KAZN: variants seen among roughly 807,000 people sequenced by gnomAD.
The protein encoded by KAZN is kazrin.
A neutral mutation model predicts 87.4 loss-of-function variants in KAZN; 40 were observed. The observed-to-expected ratio is 0.46, with a 90% CI of 0.36 to 0.60. The LOEUF (loss-of-function observed/expected upper bound fraction) is 0.60. Ranked by LOEUF, KAZN falls within the 20% of genes least tolerant of loss-of-function variation. The pLI, the probability that KAZN is intolerant of heterozygous loss-of-function variation, is 0.00. For synonymous variants in KAZN, 466 were observed against 458.3 expected, an observed-to-expected ratio of 1.02 and a Z score of -0.22; for missense variants, 898 against 1,073.9, an observed-to-expected ratio of 0.84 and a Z score of 2.29.
At chr1:14,153,686 G>T (rs1645526256) in intron 1 of KAZN, among the ~76,000 whole-genome samples, 1 of 151,578 alleles carries the variant, frequency 6.6e-6, no homozygotes, top group Non-Finnish European at 1.5e-5. Context: ...GCTGAGACGG[G>T]AGAATTGCTT....
At chr1:14,158,253 G>A (rs116409092) in intron 1 of KAZN, among the ~76,000 whole-genome samples, 1 of 151,854 alleles carries the variant, frequency 6.6e-6, no homozygotes, top group African/African-American at 2.4e-5. Context: ...CTCTTTTGGG[G>A]CTATTTTCTA....
chr1:14,675,606 G>A (rs1483516336), intron 1 of KAZN, among the ~76,000 whole-genome samples: 2 of 152,010 alleles, frequency 1.3e-5, no homozygotes, highest in African/African-American at 4.8e-5. Context: ...ATTATGTCCT[G>A]TTTTCTCTTT....
chr1:14,966,530 G>A (rs550609585), intron 2 of KAZN, among the ~76,000 whole-genome samples: 2 of 152,076 alleles, frequency 1.3e-5, no homozygotes, highest in African/African-American at 4.8e-5. Flanking sequence ...GATAATTGTG[G>A]GTGTTCTTTG....
At chr1:14,743,691 T>G (rs1644180807) in intron 1 of KAZN, among the ~76,000 whole-genome samples, 1 of 152,252 alleles carries the variant, frequency 6.6e-6, no homozygotes, top group South Asian at 2.1e-4. Flanking sequence ...GTTGCTTTGG[T>G]TCCCAGCAGA....
intron 8 of KAZN, among the ~76,000 whole-genome samples, chr1:15,083,792 C>G (rs569771611): frequency 3.9e-4 from 59 of 152,284 alleles, no homozygotes; most frequent in African/African-American, 1.3e-3. Flanking sequence ...AGTATCTTCC[C>G]ACACCCCACA....
At chr1:14,258,390 A>ATT (rs760768355) in intron 2 of KAZN, among the ~76,000 whole-genome samples, 5,030 of 125,460 alleles carry the variant, frequency 0.04, 127 homozygotes, top group East Asian at 0.061. Context: ...TAAATTTTGT[A>ATT]TTTTTTTTTT....
At chr1:14,159,144 A>G (rs1231987699) in intron 1 of KAZN, among the ~76,000 whole-genome samples, 2 of 152,100 alleles carry the variant, frequency 1.3e-5, no homozygotes, top group African/African-American at 4.8e-5. Flanking sequence ...CTGGGACTCT[A>G]CAATCTGAAG....
intron 1 of KAZN, among the ~76,000 whole-genome samples, chr1:14,137,320 C>T (rs1645128644): frequency 6.6e-6 from 1 of 152,150 alleles, no homozygotes; most frequent in Non-Finnish European, 1.5e-5. Flanking sequence ...GTAAGGTGTT[C>T]CCAGGTGCGT....
intron 2 of KAZN, among the ~76,000 whole-genome samples, chr1:14,325,673 T>C (rs983482384): frequency 6.6e-6 from 1 of 152,158 alleles, no homozygotes; most frequent in Non-Finnish European, 1.5e-5. Flanking sequence ...AGGATTTCAA[T>C]AAAAGATCTA....
intron 1 of KAZN, among the ~76,000 whole-genome samples, chr1:14,796,793 CA>C (rs1357754627): frequency 2.0e-5 from 3 of 152,194 alleles, no homozygotes; most frequent in African/African-American, 7.2e-5. Flanking sequence ...AAGAAAGACA[CA>C]AACTTGACTG....
chr1:14,814,429 T>C (rs1646506284), intron 1 of KAZN, among the ~76,000 whole-genome samples: 1 of 152,182 alleles, frequency 6.6e-6, no homozygotes, highest in East Asian at 1.9e-4. Context: ...TTGGCCAGGC[T>C]GGTCTCAAAC....
In KAZN at chr1:14,551,939, C is replaced by T. The variant is rs144708833; in HGVS notation, c.250-47044C>T. ...TCATGTACTCTTCTCTACTCATTACCGTCAGAGATCATTAAAGTCTCTCTC... is the reference window on the plus strand; with the variant it reads ...TCATGTACTCTTCTCTACTCATTACTGTCAGAGATCATTAAAGTCTCTCTC... On this transcript the variant is annotated intron_variant, in intron 2 of 16. Coordinates refer to the KAZN transcript ENST00000636203. 1.1e-3 allele frequency among the ~76,000 whole-genome samples: 166 copies of T among 152,194 alleles called. 1 individual carries two copies. Among genetic ancestry groups the T allele is most frequent in the African/African-American group, 3.8e-3 (156 of 41,508 alleles).
In KAZN at chr1:14,479,337, G is replaced by A. The variant is rs1335352009; in HGVS notation, c.250-119646G>A. Among the ~76,000 whole-genome samples the A allele has an allele frequency of 2.6e-5, 4 of 152,284 alleles. No homozygotes were observed. In the East Asian group the frequency reaches 7.7e-4, roughly 29 times the overall value. On this transcript the variant is annotated intron_variant, in intron 2 of 16. Coordinates refer to the KAZN transcript ENST00000636203. Reference sequence around the variant, plus strand: ...CCTGCTCCAGAATGATCTACAAAACGCATATGCAGCTATGGTTCGCCATGG... The same window carrying A: ...CCTGCTCCAGAATGATCTACAAAACACATATGCAGCTATGGTTCGCCATGG...
intron 1 of KAZN, among the ~76,000 whole-genome samples, chr1:14,952,240 CTGTGTG>C (rs56104480): frequency 0.018 from 2,599 of 143,970 alleles, 36 homozygotes; most frequent in Middle Eastern, 0.028. Context: ...TTCTTTCCCA[CTGTGTG>C]TGTGTGTGTG....
At chr1:14,800,480 C>T (rs1245082956) in intron 1 of KAZN, among the ~76,000 whole-genome samples, 1 of 152,196 alleles carries the variant, frequency 6.6e-6, no homozygotes, top group Non-Finnish European at 1.5e-5. Context: ...GCAAAAGGAT[C>T]ACTTGAGCCT....
In KAZN at chr1:15,060,224, A is replaced by T. The variant is rs1169851527; in HGVS notation, c.969A>T (p.Ala323=). ...HSRQPSVISD[A]SAAEGDRSST... ...GGCAGCCCTCTGTCATCTCCGACGC[A>T]TCTGCCGCCGAAGGCGACCGGTCGT... Residue 323 remains alanine (A), a synonymous_variant, in exon 6 of 15, where the codon GCA becomes GCT. Transcript: ENST00000376030. The T allele has an allele frequency of 6.2e-7, 1 of 1,614,218 alleles. No homozygotes were observed.
In KAZN at chr1:14,364,656, T is replaced by C. The variant is rs543032493; in HGVS notation, c.249+184064T>C. On this transcript the variant is annotated intron_variant, in intron 2 of 16. Coordinates refer to the KAZN transcript ENST00000636203. Reference sequence around the variant, plus strand: ...TTATTTCCTGGGGCTGCTATAATAATGTACCACAAACTGGGTGACTTAAAA... The same window carrying C: ...TTATTTCCTGGGGCTGCTATAATAACGTACCACAAACTGGGTGACTTAAAA... Among the ~76,000 whole-genome samples, 30 of 152,358 alleles carry C rather than the reference T, an allele frequency of 2.0e-4. 1 individual carries two copies. The highest frequency in any genetic ancestry group is 6.7e-4 in the African/African-American group (28 of 41,590).
At chr1:14,656,199 G>C (rs536519762) in intron 1 of KAZN, among the ~76,000 whole-genome samples, 1 of 152,148 alleles carries the variant, frequency 6.6e-6, no homozygotes, top group Non-Finnish European at 1.5e-5. Flanking sequence ...GTCATTCTCG[G>C]GGTAGGCTTA....
chr1:14,849,931 AC>A (rs34556308), intron 1 of KAZN, among the ~76,000 whole-genome samples: 3 of 141,814 alleles, frequency 2.1e-5, no homozygotes, highest in Admixed American at 1.4e-4. Flanking sequence ...TAGATTTTCT[AC>A]CCCCCCTTTT....
Sources: gnomAD v4.1 joint callset for allele counts (sites outside exome capture counted in the v4.1 genomes callset) on GRCh38, gnomAD v4.1.1 for gene constraint, MANE v1.5 for transcripts, NCBI Gene and HGNC (gene_info 2026-07-23, HGNC 2026-07-21) for gene names.